LRBA: variants seen among roughly 807,000 people sequenced by gnomAD.
LRBA encodes the protein LPS responsive beige-like anchor protein.
Under a neutral mutation model 330.0 loss-of-function variants are expected in LRBA, and 176 were observed. The observed-to-expected ratio is 0.53, with a 90% CI of 0.47 to 0.60. LRBA has a LOEUF of 0.60. Ranked by LOEUF, LRBA falls within the 20% of genes least tolerant of loss-of-function variation. The probability of loss-of-function intolerance (pLI) is 0.00; values close to 1 mark genes in which losing one functional copy is unlikely to be tolerated. For synonymous variants in LRBA, 1,230 were observed against 1,193.0 expected (o/e 1.03, Z -0.64); for missense variants, 3,259 against 3,444.8 (o/e 0.95, Z 1.35).
At chr4:150,990,786 G>A (rs1388344061) in intron 2 of LRBA, among the ~76,000 whole-genome samples, 6 of 151,690 alleles carry the variant, frequency 4.0e-5, no homozygotes, top group South Asian at 2.1e-4. Flanking sequence ...TTAGGTGGCC[G>A]AGGTGGGCGG....
intron 52 of LRBA, among the ~76,000 whole-genome samples, chr4:150,304,595 TTTAAG>T (rs1272512066): frequency 2.0e-5 from 3 of 152,180 alleles, no homozygotes; most frequent in Admixed American, 6.5e-5. Flanking sequence ...TCTTCAGCCT[TTTAAG>T]TTGACACCAA....
intron 42 of LRBA, among the ~76,000 whole-genome samples, chr4:150,483,871 A>G (rs1482084070): frequency 6.6e-6 from 1 of 152,056 alleles, no homozygotes; most frequent in East Asian, 1.9e-4. Flanking sequence ...ATTTATCTAT[A>G]TGTATTTATT....
intron 2 of LRBA, among the ~76,000 whole-genome samples, chr4:150,983,447 CTCT>C (rs1169167652): frequency 7.1e-6 from 1 of 141,816 alleles, no homozygotes; most frequent in Non-Finnish European, 1.5e-5. Flanking sequence ...GAAGCAAGCA[CTCT>C]TTTTTTTTTT....
At chr4:150,851,072 T>C (rs1750559250) in intron 23 of LRBA, among the ~76,000 whole-genome samples, 170 bp from the exon 24 acceptor site, 1 of 152,226 alleles carries the variant, frequency 6.6e-6, no homozygotes, top group Non-Finnish European at 1.5e-5. Flanking sequence ...ATTAACATTT[T>C]AGTACATGTA....
chr4:150,675,062 A>G lies in LRBA; in HGVS notation c.5921+8489T>C, dbSNP rs188646989. 4.5e-4 allele frequency among the ~76,000 whole-genome samples: 69 copies of G among 152,088 alleles called. No homozygotes were observed. In the East Asian group the frequency reaches 0.01, roughly 23 times the overall value. ...TGAGACTTTGTTGCCCAGAAAGAAA[A>G]AAAAAATAGCCAGATGTGGCATGAG... On this transcript the variant is annotated intron_variant, in intron 37 of 56. Coordinates refer to ENST00000651943, the MANE Select transcript of LRBA (RefSeq NM_001364905.1).
At chr4:150,719,657 C>T (rs1728672657) in intron 36 of LRBA, among the ~76,000 whole-genome samples, 1 of 151,994 alleles carries the variant, frequency 6.6e-6, no homozygotes, top group Non-Finnish European at 1.5e-5. Flanking sequence ...CCCATGCCCC[C>T]AAAGCAATAT....
chr4:150,693,530 C>G (rs1341000042), intron 36 of LRBA, among the ~76,000 whole-genome samples: 1 of 125,854 alleles, frequency 7.9e-6, no homozygotes, highest in African/African-American at 2.8e-5. Flanking sequence ...CGCCACTGCA[C>G]TCCAGCCTGG....
At chr4:150,406,753 G>A (rs1746251384) in intron 47 of LRBA, among the ~76,000 whole-genome samples, 1 of 152,112 alleles carries the variant, frequency 6.6e-6, no homozygotes, top group Admixed American at 6.6e-5. Flanking sequence ...CATTACATGG[G>A]AAAAGGTTCT....
At chr4:150,639,203 TGG>T (rs1036090836) in intron 37 of LRBA, among the ~76,000 whole-genome samples, 1 of 63,802 alleles carries the variant, frequency 1.6e-5, no homozygotes, top group African/African-American at 6.0e-5. Flanking sequence ...GGGACTGTGG[TGG>T]GGTAGGGGAA....
intron 40 of LRBA, among the ~76,000 whole-genome samples, chr4:150,506,002 A>G (rs147408880): frequency 0.083 from 12,694 of 152,282 alleles, 933 homozygotes; most frequent in African/African-American, 0.19. Context: ...TCCTCGACAC[A>G]TACATCCTCC....
At chr4:150,437,026 T>G (rs1286479397) in intron 44 of LRBA, among the ~76,000 whole-genome samples, 162 bp from the exon 45 acceptor site, 1 of 152,138 alleles carries the variant, frequency 6.6e-6, no homozygotes, top group East Asian at 1.9e-4. Context: ...AAAAGCAATA[T>G]TTTTTCCAAC....
At chr4:150,323,799 G>A (rs1732875109) in intron 49 of LRBA, among the ~76,000 whole-genome samples, 1 of 152,218 alleles carries the variant, frequency 6.6e-6, no homozygotes, top group South Asian at 2.1e-4. Flanking sequence ...TGCAGTGACA[G>A]CAGCAGCTGC....
intron 40 of LRBA, among the ~76,000 whole-genome samples, chr4:150,511,533 A>C (rs951024088): frequency 1.3e-5 from 2 of 152,100 alleles, no homozygotes; most frequent in Non-Finnish European, 2.9e-5. Flanking sequence ...GGTCTTCCTA[A>C]CTGCAATGCA....
At chr4:150,863,060 G>A (rs772781553) in intron 22 of LRBA, among the ~76,000 whole-genome samples, 3 of 151,966 alleles carry the variant, frequency 2.0e-5, no homozygotes, top group Non-Finnish European at 2.9e-5. Flanking sequence ...CACTTTCAGA[G>A]GCCCAGGCGG....
chr4:150,746,082 A>G (rs955147571), intron 35 of LRBA, among the ~76,000 whole-genome samples: 2 of 152,178 alleles, frequency 1.3e-5, no homozygotes, highest in Non-Finnish European at 2.9e-5. Context: ...CTGTCCTTAC[A>G]TTTATCTAAA....
intron 50 of LRBA, among the ~76,000 whole-genome samples, chr4:150,316,706 G>T (rs557776489): frequency 6.6e-6 from 1 of 152,088 alleles, no homozygotes; most frequent in Non-Finnish European, 1.5e-5. Flanking sequence ...AACACCAGTG[G>T]GACCTCAACC....
At chr4:150,591,719 T>TATG (rs2126465068) in intron 38 of LRBA, among the ~76,000 whole-genome samples, 1 of 152,176 alleles carries the variant, frequency 6.6e-6, no homozygotes, top group African/African-American at 2.4e-5. Context: ...ACTCAGGCAC[T>TATG]ATGACAAGGC....
intron 37 of LRBA, among the ~76,000 whole-genome samples, chr4:150,658,444 A>AGCACAT (rs1780441443): frequency 6.7e-6 from 1 of 149,642 alleles, no homozygotes; most frequent in African/African-American, 2.5e-5. Flanking sequence ...CATAATACTT[A>AGCACAT]GCACATGACA....
chr4:150,900,574 T>G (rs1730613152), intron 13 of LRBA, among the ~76,000 whole-genome samples: 1 of 152,194 alleles, frequency 6.6e-6, no homozygotes, highest in Non-Finnish European at 1.5e-5. Flanking sequence ...TATCTATGCA[T>G]AGTTGTTTGA....
Sources: gnomAD v4.1 joint callset for allele counts (sites outside exome capture counted in the v4.1 genomes callset) on GRCh38, gnomAD v4.1.1 for gene constraint, MANE v1.5 for transcripts, NCBI Gene and HGNC (gene_info 2026-07-23, HGNC 2026-07-21) for gene names.